The following PGR variants were observed in gnomAD, a reference collection of about 807,000 sequenced individuals.
PGR encodes progesterone receptor, also known as nuclear receptor subfamily 3 group C member 3.
A neutral mutation model predicts 76.1 loss-of-function variants in PGR; 25 were observed. The observed-to-expected ratio is 0.33, with a 90% confidence interval of 0.24 to 0.46. The LOEUF is 0.46. Ranked by LOEUF, PGR falls within the 20% of genes least tolerant of loss-of-function variation. The pLI, the probability that PGR is intolerant of heterozygous loss-of-function variation, is 1.00. For missense variants in PGR, 1,172 were observed against 1,225.3 expected, an observed-to-expected ratio of 0.96 and a Z score of 0.65; for synonymous variants, 579 against 535.0, an observed-to-expected ratio of 1.08 and a Z score of -1.14.
rs2020879 is a variant in PGR, at chr11:101,041,894, T to C, written c.2646+51A>G. 8.4e-3 allele frequency: 12,574 copies of C among 1,500,880 alleles called. 193 individuals carry two copies. The highest frequency in any genetic ancestry group is 0.057 in the African/African-American group (4,141 of 72,390). The allele number at this position is 1,500,880 out of a possible 1,614,324, so 93.0% of individuals were successfully genotyped here. A position where few individuals can be genotyped will look rare whatever the true frequency, so the allele number is the denominator to read the frequency against. On this transcript the variant is annotated intron_variant, in intron 7 of 7. Coordinates refer to ENST00000325455, the MANE Select transcript of PGR (RefSeq NM_000926.4). The stretch of plus-strand genomic sequence containing the variant: ...TTTACATGTAACATTTAAAAAGTTA[T>C]AGAAATTCAGAGAATAATCATTGAT...
At chr11:101,121,628 T>C (rs1279884446) in intron 2 of PGR, among the ~76,000 whole-genome samples, 2 of 152,236 alleles carry the variant, frequency 1.3e-5, no homozygotes, top group African/African-American at 2.4e-5. Flanking sequence ...AATTCTCTAG[T>C]TGTCCAAACA....
chr11:101,113,277 T>G (rs1439091310), intron 2 of PGR, among the ~76,000 whole-genome samples: 1 of 152,070 alleles, frequency 6.6e-6, no homozygotes, highest in Non-Finnish European at 1.5e-5. Flanking sequence ...CTTCTTTTTT[T>G]TTTTCCCAGA....
At chr11:101,086,063 A>G (rs958889801) in intron 3 of PGR, among the ~76,000 whole-genome samples, 1 of 152,192 alleles carries the variant, frequency 6.6e-6, no homozygotes, top group African/African-American at 2.4e-5. Context: ...ATTTCAAAAA[A>G]TCGAGAAGGA....
At chr11:101,097,528 T>A (rs1485885245) in intron 2 of PGR, among the ~76,000 whole-genome samples, 3 of 152,210 alleles carry the variant, frequency 2.0e-5, no homozygotes, top group African/African-American at 7.2e-5. Flanking sequence ...TTGATAAATA[T>A]TTTTTAGATA....
chr11:101,117,087 T>C (rs891596284), intron 2 of PGR, among the ~76,000 whole-genome samples: 12 of 152,180 alleles, frequency 7.9e-5, no homozygotes, highest in Non-Finnish European at 1.8e-4. Context: ...ACAGGTATTC[T>C]AGAGTTCTGT....
chr11:101,127,342 CGCTGGG>C (rs1049309522), intron 1 of PGR, 86 bp downstream of exon 1: 1 of 964,590 alleles, frequency 1.0e-6, no homozygotes, highest in East Asian at 3.3e-5. Flanking sequence ...CGCAGCGGTG[CGCTGGG>C]GCTGGGGCTG....
At chr11:101,098,093 T>C (rs1343559940) in intron 2 of PGR, among the ~76,000 whole-genome samples, 1 of 152,072 alleles carries the variant, frequency 6.6e-6, no homozygotes, top group Non-Finnish European at 1.5e-5. Context: ...TTACTCTTAA[T>C]AAAAAATACT....
chr11:101,123,467 C>T (rs950375047), intron 2 of PGR, among the ~76,000 whole-genome samples: 1 of 152,186 alleles, frequency 6.6e-6, no homozygotes, highest in Non-Finnish European at 1.5e-5. Context: ...AGAACATTCT[C>T]TATATTCTCT....
chr11:101,075,637 A>AC (rs1209895506), intron 3 of PGR, among the ~76,000 whole-genome samples: 1 of 151,680 alleles, frequency 6.6e-6, no homozygotes, highest in Non-Finnish European at 1.5e-5. Context: ...AAAAAACAAA[A>AC]AACAACCCCA....
At chr11:101,087,459 C>T (rs1278766815) in intron 3 of PGR, among the ~76,000 whole-genome samples, 3 of 152,088 alleles carry the variant, frequency 2.0e-5, no homozygotes, top group Admixed American at 6.6e-5. Flanking sequence ...TTAAATATAA[C>T]ACCTCAAACC....
chr11:101,092,681 G>A (rs1441129039), intron 2 of PGR, among the ~76,000 whole-genome samples: 1 of 152,018 alleles, frequency 6.6e-6, no homozygotes, highest in Non-Finnish European at 1.5e-5. Flanking sequence ...TGTTAATAAG[G>A]CACGGAACAA....
In PGR at chr11:101,034,474, C is replaced by T. The variant is rs1395076791; in HGVS notation, c.*4642G>A. ...AAGGTATGTATTGAATAATTTCTGC[C>T]ATGAACAGCTGCTGTGTTTAACTTA... On this transcript the variant is annotated 3_prime_UTR_variant, in exon 8 of 8. Transcript: ENST00000325455. 5.5e-6 allele frequency: 1 copy of T among 181,194 alleles called. No individual in the cohort carries two copies. Among genetic ancestry groups the T allele is most frequent in the Admixed American group, 6.3e-5 (1 of 15,900 alleles). The allele number at this position is 181,194 out of a possible 1,614,324, so 11.2% of individuals were successfully genotyped here.
chr11:101,039,347 A>AT (rs1194715782), intron 7 of PGR, 76 bp from the exon 8 acceptor site: 4 of 1,090,410 alleles, frequency 3.7e-6, no homozygotes, highest in Non-Finnish European at 5.5e-6. Flanking sequence ...ATGGCAATTT[A>AT]TTTTTCTAAC....
Position 101,127,514 on chromosome 11 carries a change from C to T in PGR, c.1557G>A (p.Gly519=), listed in dbSNP as rs1429517300. ...PALYPALGLN[G]LPQLGYQAAV... is the part of the protein sequence containing the mutation. The stretch of plus-strand genomic sequence containing the variant: ...CGGCCTGGTAGCCGAGCTGCGGGAG[C>T]CCGTTGAGGCCGAGTGCAGGGTAGA... Residue 519 remains glycine (G), a synonymous_variant, in exon 1 of 8, where the codon GGG becomes GGA. Transcript: ENST00000325455. 6.5e-6 allele frequency: 10 copies of T among 1,537,138 alleles called. No individual in the cohort carries two copies. Among genetic ancestry groups the T allele is most frequent in the Non-Finnish European group, 7.9e-6 (9 of 1,146,268 alleles).
chr11:101,073,369 G>C (rs1861012760), intron 3 of PGR, among the ~76,000 whole-genome samples: 1 of 152,186 alleles, frequency 6.6e-6, no homozygotes, highest in South Asian at 2.1e-4. Context: ...GTCCACAGGA[G>C]AAAGTGGGAA....
At chr11:101,096,853 T>G (rs959522331) in intron 2 of PGR, among the ~76,000 whole-genome samples, 3 of 152,216 alleles carry the variant, frequency 2.0e-5, no homozygotes, top group Admixed American at 6.5e-5. Flanking sequence ...CTACAACAAG[T>G]GTAAAACACG....
chr11:101,042,648 T>C (rs1859730531), intron 6 of PGR, among the ~76,000 whole-genome samples: 1 of 152,174 alleles, frequency 6.6e-6, no homozygotes, highest in South Asian at 2.1e-4. Flanking sequence ...GGGAGAAAGG[T>C]ATTAATATTT....
At chr11:101,054,172 C>T (rs1860206089) in intron 4 of PGR, among the ~76,000 whole-genome samples, 1 of 152,006 alleles carries the variant, frequency 6.6e-6, no homozygotes, top group Admixed American at 6.6e-5. Flanking sequence ...CCCTGTTGTC[C>T]TCTCAGTAAA....
chr11:101,105,898 A>C (rs1862144306), intron 2 of PGR, among the ~76,000 whole-genome samples: 1 of 152,208 alleles, frequency 6.6e-6, no homozygotes, highest in Admixed American at 6.5e-5. Flanking sequence ...CAATGGACAG[A>C]AAAGAGACCT....
Sources: gnomAD v4.1 joint callset for allele counts (sites outside exome capture counted in the v4.1 genomes callset) on GRCh38, gnomAD v4.1.1 for gene constraint, MANE v1.5 for transcripts, NCBI Gene and HGNC (gene_info 2026-07-23, HGNC 2026-07-21) for gene names.